CERS3: variants seen among roughly 807,000 people sequenced by gnomAD.
CERS3 encodes ceramide synthase 3.
A neutral mutation model predicts 50.3 loss-of-function variants in CERS3; 33 were observed. The ratio of observed to expected loss-of-function variants is 0.66; its 90% CI spans 0.50 to 0.88. The LOEUF is 0.88. CERS3 is among the 40% of genes least tolerant of loss of function. The pLI, the probability that CERS3 is intolerant of heterozygous loss-of-function variation, is 0.00. For missense variants in CERS3, 470 were observed against 460.3 expected (o/e 1.02, Z -0.19); for synonymous variants, 176 against 155.2 (o/e 1.13, Z -0.99).
intron 11 of CERS3, among the ~76,000 whole-genome samples, chr15:100,416,883 A>C (rs902376130): frequency 2.0e-5 from 3 of 152,216 alleles, no homozygotes; most frequent in Non-Finnish European, 2.9e-5. Context: ...ACAAGCAAAA[A>C]ACAACCAACC....
intron 11 of CERS3, among the ~76,000 whole-genome samples, chr15:100,443,605 T>C (rs1235746083): frequency 6.7e-6 from 1 of 149,032 alleles, no homozygotes; most frequent in Non-Finnish European, 1.5e-5. Context: ...TCACTTGGAC[T>C]GACCCTGACA....
intron 6 of CERS3, among the ~76,000 whole-genome samples, 198 bp downstream of exon 6, chr15:100,479,791 C>T (rs1359191036): frequency 6.6e-6 from 1 of 152,050 alleles, no homozygotes; most frequent in East Asian, 1.9e-4. Context: ...TATTTCTAAA[C>T]CAATTGTATT....
At chr15:100,407,372 G>C (rs2031125799) in intron 11 of CERS3, among the ~76,000 whole-genome samples, 1 of 152,204 alleles carries the variant, frequency 6.6e-6, no homozygotes, top group African/African-American at 2.4e-5. Flanking sequence ...CATCTTGGCA[G>C]TCACAAAGGT....
chr15:100,476,190 A>G lies in CERS3; in HGVS notation c.517-12T>C. 6.5e-7 allele frequency: 1 copy of G among 1,534,266 alleles called. No individual in the cohort carries two copies. The highest frequency in any genetic ancestry group is 1.2e-5 in the South Asian group (1 of 80,380). ...GATGGCAGCAGGGGCTGAGGAAAAG[A>G]AGAGTATTCATTACTTTAAATGCCA... On this transcript the variant is annotated splice_polypyrimidine_tract_variant and intron_variant, in intron 7 of 11. Transcript: ENST00000679737.
rs200278123 is a variant in CERS3, at chr15:100,508,320, G to GT, written c.-1-6471dup. On this transcript the variant is annotated intron_variant, in intron 2 of 11. Transcript: ENST00000679737. Reference sequence around the variant, plus strand: ...ACACTCTTAGTTACTGCTTAAGGTGGTTTTTTTCCGTGTAAAGGAGGCTGC... The same window carrying GT: ...ACACTCTTAGTTACTGCTTAAGGTGGTTTTTTTTCCGTGTAAAGGAGGCTGC... Among the ~76,000 whole-genome samples the GT allele has an allele frequency of 3.9e-5, 6 of 151,946 alleles. No individual in the cohort carries two copies. In the East Asian group the frequency reaches 5.8e-4, roughly 15 times the overall value.
Position 100,521,687 on chromosome 15 carries a change from T to C in CERS3, c.-22A>G, listed in dbSNP as rs2036642617. 1.3e-5 allele frequency: 2 copies of C among 152,120 alleles called. No homozygotes were observed. The highest frequency in any genetic ancestry group is 1.5e-5 in the Non-Finnish European group (1 of 68,024). The allele number at this position is 152,120 out of a possible 1,614,324, so 9.4% of individuals were successfully genotyped here. On this transcript the variant is annotated 5_prime_UTR_variant, in exon 2 of 12. Transcript: ENST00000679737. ...ATTACCTGAGTATATATGATAGCTT[T>C]CTACTGAGGAACTCAAATACTGTAT...
intron 1 of CERS3, among the ~76,000 whole-genome samples, chr15:100,537,373 T>C (rs1596832684): frequency 6.6e-6 from 1 of 152,226 alleles, no homozygotes; most frequent in African/African-American, 2.4e-5. Context: ...ATGTGTAGCA[T>C]TGTGGCTGTT....
intron 2 of CERS3, among the ~76,000 whole-genome samples, chr15:100,508,894 T>A (rs891715183): frequency 4.6e-5 from 7 of 152,150 alleles, no homozygotes; most frequent in African/African-American, 1.7e-4. Context: ...CATGTAAAAA[T>A]ATCAGAAGAA....
At chr15:100,459,619 T>A (rs2034486610) in intron 10 of CERS3, among the ~76,000 whole-genome samples, 1 of 152,236 alleles carries the variant, frequency 6.6e-6, no homozygotes, top group Non-Finnish European at 1.5e-5. Flanking sequence ...ATGTAATTGT[T>A]TGATTATCCA....
intron 11 of CERS3, among the ~76,000 whole-genome samples, chr15:100,454,723 T>C (rs1177602101): frequency 6.6e-6 from 1 of 152,098 alleles, no homozygotes; most frequent in Admixed American, 6.5e-5. Flanking sequence ...CATGGGACTA[T>C]ATTAAACTAA....
chr15:100,428,679 G>C (rs1035875617), intron 11 of CERS3, among the ~76,000 whole-genome samples: 1 of 152,212 alleles, frequency 6.6e-6, no homozygotes. Flanking sequence ...TGTGCCCTGT[G>C]CAAGACATTG....
chr15:100,488,532 G>A (rs2035552411), intron 4 of CERS3, among the ~76,000 whole-genome samples: 1 of 152,138 alleles, frequency 6.6e-6, no homozygotes, highest in Non-Finnish European at 1.5e-5. Context: ...ATGGTGAGAC[G>A]AGTTTGTTTC....
At chr15:100,505,763 C>T (rs992020531) in intron 2 of CERS3, among the ~76,000 whole-genome samples, 1 of 152,138 alleles carries the variant, frequency 6.6e-6, no homozygotes, top group Admixed American at 6.5e-5. Flanking sequence ...CATCCAGGAC[C>T]CTGGGATGCT....
chr15:100,517,898 C>T (rs974579054), intron 2 of CERS3, among the ~76,000 whole-genome samples: 9 of 152,106 alleles, frequency 5.9e-5, no homozygotes, highest in East Asian at 3.9e-4. Context: ...TCTCAGACTC[C>T]GAAATCACAA....
chr15:100,472,562 T>A (rs1258268545), intron 9 of CERS3, among the ~76,000 whole-genome samples: 1 of 152,184 alleles, frequency 6.6e-6, no homozygotes, highest in East Asian at 1.9e-4. Context: ...AGTGAATAGA[T>A]GGTGCCATCC....
chr15:100,505,685 C>T (rs537253741), intron 2 of CERS3, among the ~76,000 whole-genome samples: 6 of 152,230 alleles, frequency 3.9e-5, no homozygotes, highest in Admixed American at 6.5e-5. Flanking sequence ...TTTGTGACCT[C>T]GAGTTAGGCA....
intron 3 of CERS3, among the ~76,000 whole-genome samples, chr15:100,497,896 C>CCTT (rs1306094824): frequency 7.9e-5 from 5 of 63,588 alleles, no homozygotes; most frequent in South Asian, 5.7e-4. Flanking sequence ...CACACACACA[C>CCTT]TTTTTTTTTT....
intron 10 of CERS3, among the ~76,000 whole-genome samples, chr15:100,468,302 G>T (rs994674073): frequency 6.6e-6 from 1 of 152,132 alleles, no homozygotes; most frequent in African/African-American, 2.4e-5. Flanking sequence ...CAGAGAGGTG[G>T]TATAACCTGT....
chr15:100,516,555 C>T (rs2036495307), intron 2 of CERS3, among the ~76,000 whole-genome samples: 1 of 152,166 alleles, frequency 6.6e-6, no homozygotes, highest in Admixed American at 6.5e-5. Flanking sequence ...TTATCGTCAC[C>T]TACTGGGTAC....
Sources: allele counts gnomAD v4.1 joint callset (sites outside exome capture counted in the v4.1 genomes callset), GRCh38; gene constraint gnomAD v4.1.1; transcripts MANE v1.5; gene names NCBI Gene and HGNC (gene_info 2026-07-23, HGNC 2026-07-21).